NEK10: variants seen among roughly 807,000 people sequenced by gnomAD.
NEK10 encodes the protein serine/threonine-protein kinase Nek10.
NEK10 carries 122 observed loss-of-function variants against 159.8 expected under a neutral mutation model. That is an observed-to-expected ratio of 0.76 (90% CI 0.66 to 0.89). NEK10 has a LOEUF of 0.89. Ranked by LOEUF, NEK10 falls within the 40% of genes least tolerant of loss-of-function variation. NEK10 has a pLI of 0.00. For synonymous variants in NEK10, 466 were observed against 457.1 expected, an observed-to-expected ratio of 1.02 and a Z score of -0.25; for missense variants, 1,342 against 1,323.1, an observed-to-expected ratio of 1.01 and a Z score of -0.22.
chr3:27,238,746 C>CGTGTGTGTGTGTGTGT, intron 23 of NEK10, among the ~76,000 whole-genome samples: 1 of 138,138 alleles, frequency 7.2e-6, no homozygotes, highest in East Asian at 2.2e-4. Flanking sequence ...CCTCCCCTTT[C>CGTGTGTGTGTGTGTGT]GTGTGTGTGT....
At chr3:27,259,246 G>A (rs1006265286) in intron 22 of NEK10, among the ~76,000 whole-genome samples, 1 of 152,058 alleles carries the variant, frequency 6.6e-6, no homozygotes, top group African/African-American at 2.4e-5. Context: ...GTCAATTTTG[G>A]CTTTTGTTGC....
At chr3:27,128,523 C>A (rs147526354) in intron 32 of NEK10, among the ~76,000 whole-genome samples, 115 of 152,078 alleles carry the variant, frequency 7.6e-4, no homozygotes, top group Middle Eastern at 3.4e-3. Flanking sequence ...TGTTAACATG[C>A]GATAGAATTC....
At chr3:27,132,556 C>T (rs903907030) in intron 31 of NEK10, among the ~76,000 whole-genome samples, 1 of 152,014 alleles carries the variant, frequency 6.6e-6, no homozygotes, top group African/African-American at 2.4e-5. Context: ...TAAGACCAGA[C>T]TAGGATGAGT....
chr3:27,201,836 G>A (rs573672225), intron 24 of NEK10, among the ~76,000 whole-genome samples: 1 of 152,268 alleles, frequency 6.6e-6, no homozygotes, highest in South Asian at 2.1e-4. Context: ...ATAAGGTGCT[G>A]GATTGTGAGT....
At chr3:27,113,635 T>C (rs1157881116) in intron 35 of NEK10, among the ~76,000 whole-genome samples, 3 of 152,114 alleles carry the variant, frequency 2.0e-5, no homozygotes, top group Non-Finnish European at 4.4e-5. Context: ...TTTTTTGCCT[T>C]TGTTATAAGG....
intron 26 of NEK10, among the ~76,000 whole-genome samples, chr3:27,190,855 T>C (rs188878059): frequency 6.6e-6 from 1 of 152,220 alleles, no homozygotes; most frequent in Non-Finnish European, 1.5e-5. Context: ...AAAAGCAAAG[T>C]GAGCTCTAAC....
intron 5 of NEK10, among the ~76,000 whole-genome samples, chr3:27,337,221 G>T (rs186918775): frequency 3.2e-4 from 49 of 151,996 alleles, no homozygotes; most frequent in Admixed American, 3.3e-4. Context: ...TCCTATTTCC[G>T]ATAGCTACCA....
At chr3:27,158,512 T>G (rs1945715762) in intron 30 of NEK10, among the ~76,000 whole-genome samples, 2 of 152,176 alleles carry the variant, frequency 1.3e-5, no homozygotes, top group Non-Finnish European at 2.9e-5. Flanking sequence ...GATTTAGATT[T>G]GCCTTTACTA....
Position 27,256,239 on chromosome 3 carries a change from T to G in NEK10, c.2090+57A>C, listed in dbSNP as rs551162361. 1.7e-4 allele frequency: 128 copies of G among 766,478 alleles called. 1 individual carries two copies. The highest frequency in any genetic ancestry group is 1.0e-3 in the South Asian group (33 of 31,806). The allele number at this position is 766,478 out of a possible 1,614,324, so 47.5% of individuals were successfully genotyped here. On this transcript the variant is annotated intron_variant, in intron 23 of 35. Coordinates refer to ENST00000691995, the MANE Select transcript of NEK10 (RefSeq NM_001394966.1). ...TTCCTTTGCAAGTCAATAATATAAA[T>G]GAAAGCCTAAATCAGTTAAGTATGA...
intron 22 of NEK10, among the ~76,000 whole-genome samples, chr3:27,260,728 G>T (rs999565149): frequency 2.0e-5 from 3 of 152,158 alleles, no homozygotes; most frequent in African/African-American, 7.2e-5. Flanking sequence ...GATGATGCTG[G>T]CCTCATAAAA....
At chr3:27,136,508 C>T (rs151189324) in intron 31 of NEK10, among the ~76,000 whole-genome samples, 37 of 152,294 alleles carry the variant, frequency 2.4e-4, no homozygotes, top group African/African-American at 8.7e-4. Context: ...AAATCCAGTG[C>T]TTCACTGGGC....
intron 13 of NEK10, among the ~76,000 whole-genome samples, chr3:27,301,220 T>C (rs1015102119): frequency 6.6e-6 from 1 of 152,224 alleles, no homozygotes; most frequent in Admixed American, 6.5e-5. Flanking sequence ...CCTGCTTGCA[T>C]GTGAAAATCC....
At chr3:27,361,120 G>T (rs1485537890) in intron 1 of NEK10, among the ~76,000 whole-genome samples, 1 of 152,156 alleles carries the variant, frequency 6.6e-6, no homozygotes, top group Non-Finnish European at 1.5e-5. Context: ...ACTAGAATAT[G>T]TGACAACAGA....
intron 5 of NEK10, among the ~76,000 whole-genome samples, chr3:27,327,552 G>A (rs1029426643): frequency 2.0e-5 from 3 of 152,158 alleles, no homozygotes; most frequent in African/African-American, 7.2e-5. Context: ...TTTGAAAAGG[G>A]AAAGAGTAGC....
At chr3:27,250,452 C>T (rs1482278969) in intron 23 of NEK10, among the ~76,000 whole-genome samples, 1 of 152,164 alleles carries the variant, frequency 6.6e-6, no homozygotes, top group Non-Finnish European at 1.5e-5. Context: ...TCCCAAAGTG[C>T]TGGGATTACA....
chr3:27,270,266 G>T (rs1575533596), intron 22 of NEK10, among the ~76,000 whole-genome samples: 1 of 152,092 alleles, frequency 6.6e-6, no homozygotes, highest in Non-Finnish European at 1.5e-5. Flanking sequence ...GAGAAGAGCA[G>T]CCCTCAAGGA....
intron 1 of NEK10, among the ~76,000 whole-genome samples, chr3:27,365,619 T>TTTTTTTTTTTTTTTTTG (rs1559571627): frequency 1.0e-4 from 14 of 137,820 alleles, no homozygotes; most frequent in African/African-American, 3.0e-4. Context: ...TGTTTTTTTT[T>TTTTTTTTTTTTTTTTTG]TTTTTTTTTT....
At chr3:27,152,526 T>C (rs1338403127) in intron 30 of NEK10, among the ~76,000 whole-genome samples, 1 of 151,146 alleles carries the variant, frequency 6.6e-6, no homozygotes, top group Non-Finnish European at 1.5e-5. Flanking sequence ...TGGAAACACA[T>C]CAAAACAGCA....
Position 27,192,160 on chromosome 3 carries a change from C to A in NEK10, c.2374G>T (p.Asp792Tyr), listed in dbSNP as rs1307830049. Reference sequence around the variant, plus strand: ...GACAACTGGGATGTAGATAAGTTGTCTAAATATTTCATCATGACATCTGAT... The same window carrying A: ...GACAACTGGGATGTAGATAAGTTGTATAAATATTTCATCATGACATCTGAT... ...MISDVMMKYL[D>Y]NLSTSQLSLE... The change falls in exon 26 of 36, where the codon GAC (aspartate) becomes TAC (tyrosine). Residue 792 changes from aspartate (D) to tyrosine (Y), a missense_variant. Asp to Tyr is a radical substitution (Grantham distance 160, BLOSUM62 -3). Transcript: ENST00000691995. 3 of 1,614,150 alleles carry A rather than the reference C, an allele frequency of 1.9e-6. No homozygotes were observed.
Sources: allele counts gnomAD v4.1 joint callset (sites outside exome capture counted in the v4.1 genomes callset), GRCh38; gene constraint gnomAD v4.1.1; transcripts MANE v1.5; gene names NCBI Gene and HGNC (gene_info 2026-07-23, HGNC 2026-07-21).